Variants in UST observed in about 807,000 individuals in gnomAD.
UST encodes chondroitin sulfate 2-O-sulfotransferase.
UST carries 21 observed loss-of-function variants against 45.6 expected under a neutral mutation model. The observed-to-expected ratio is 0.46, with a 90% CI of 0.33 to 0.66. UST has a LOEUF of 0.66. Among genes scored for constraint, UST ranks in the 30% least tolerant of loss-of-function variants. The pLI is 0.02. For missense variants in UST, 463 were observed against 512.4 expected, an observed-to-expected ratio of 0.90 and a Z score of 0.93; for synonymous variants, 215 against 200.6, an observed-to-expected ratio of 1.07 and a Z score of -0.61.
Position 149,073,996 on chromosome 6 carries a change from C to T in UST, c.1101C>T (p.His367=). 4.3e-6 allele frequency: 7 copies of T among 1,614,196 alleles called. No individual in the cohort carries two copies. The highest frequency in any genetic ancestry group is 5.1e-6 in the Non-Finnish European group (6 of 1,180,022). ...LLKRKFGLKS[H]VSKPPLRPHF... ...AGCGCAAGTTTGGACTTAAGTCTCA[C>T]GTCAGCAAGCCCCCCCTGAGGCCAC... is the stretch of plus-strand genomic sequence containing the variant. The change falls in exon 8 of 8, where the codon CAC becomes CAT. Residue 367 remains histidine, a synonymous_variant. Transcript: ENST00000367463.
intron 5 of UST, among the ~76,000 whole-genome samples, chr6:148,980,970 C>T (rs1390623839): frequency 2.0e-5 from 3 of 152,086 alleles, no homozygotes; most frequent in African/African-American, 4.8e-5. Flanking sequence ...AGTGATCCTC[C>T]CACCTAGGCC....
At chr6:148,979,125 G>C (rs1781080289) in intron 5 of UST, among the ~76,000 whole-genome samples, 1 of 152,138 alleles carries the variant, frequency 6.6e-6, no homozygotes, top group Non-Finnish European at 1.5e-5. Context: ...ACCACTTCCA[G>C]AGTGGCTTCA....
At chr6:148,939,007 T>A (rs1279561972) in intron 2 of UST, among the ~76,000 whole-genome samples, 1 of 152,046 alleles carries the variant, frequency 6.6e-6, no homozygotes, top group Non-Finnish European at 1.5e-5. Flanking sequence ...CTATTGGAAT[T>A]AATAAATGAG....
chr6:148,789,449 T>TCACA (rs1439525516), intron 1 of UST, among the ~76,000 whole-genome samples: 7 of 129,032 alleles, frequency 5.4e-5, no homozygotes, highest in African/African-American at 1.8e-4. Context: ...TCTCTCTCTC[T>TCACA]CTCTCACACA....
At chr6:148,760,097 A>G (rs1192515610) in intron 1 of UST, among the ~76,000 whole-genome samples, 5 of 152,218 alleles carry the variant, frequency 3.3e-5, no homozygotes, top group Non-Finnish European at 5.9e-5. Flanking sequence ...GGCAAGTAGA[A>G]TACACAAAAA....
chr6:148,774,974 C>T (rs1032412003), intron 1 of UST, among the ~76,000 whole-genome samples: 5 of 151,898 alleles, frequency 3.3e-5, no homozygotes, highest in Admixed American at 2.6e-4. Context: ...GCCGAGATTA[C>T]GCCACTACAC....
rs1554231969 is a variant in UST at position 148,989,223 on chromosome 6, C to CAA, written c.681+24660_681+24661insAA. ...CTTCAGTAAAGGCCCCCCCCCACCCCCCGCAAATGAAAACCTTGATTAAAA... is the reference window on the plus strand; with the variant it reads ...CTTCAGTAAAGGCCCCCCCCCACCCCAACCGCAAATGAAAACCTTGATTAAAA... On this transcript the variant is annotated intron_variant, in intron 5 of 7. Coordinates refer to ENST00000367463, the MANE Select transcript of UST (RefSeq NM_005715.3). Among the ~76,000 whole-genome samples the CAA allele has an allele frequency of 3.9e-5, 5 of 127,728 alleles. 1 individual carries two copies. The highest frequency in any genetic ancestry group is 8.3e-5 in the Non-Finnish European group (5 of 60,476). 83.8% of individuals were successfully genotyped at this position (127,728 alleles called of 152,430 possible). A position where few individuals can be genotyped will look rare whatever the true frequency, so the allele number is the denominator to read the frequency against.
At chr6:148,801,347 A>G (rs1167276720) in intron 1 of UST, among the ~76,000 whole-genome samples, 4 of 152,122 alleles carry the variant, frequency 2.6e-5, no homozygotes, top group African/African-American at 7.2e-5. Context: ...ACTTCTGACA[A>G]GTGCTCCAGG....
chr6:148,747,302 C>T lies in UST; in HGVS notation c.-129C>T. ...TGAGCCCGGCAACTTCGGCCCCTCC[C>T]CGCCCCCACCCGGCTGCCCTCCGCG... On this transcript the variant is annotated 5_prime_UTR_variant, in exon 1 of 8. Coordinates refer to ENST00000367463, the MANE Select transcript of UST (RefSeq NM_005715.3). 1.7e-6 allele frequency: 2 copies of T among 1,187,910 alleles called. No homozygotes were observed. The highest frequency in any genetic ancestry group is 2.6e-5 in the South Asian group (1 of 38,156). The allele number at this position is 1,187,910 out of a possible 1,614,324, so 73.6% of individuals were successfully genotyped here.
intron 2 of UST, among the ~76,000 whole-genome samples, chr6:148,898,512 G>C (rs1446956905): frequency 6.6e-6 from 1 of 152,000 alleles, no homozygotes; most frequent in African/African-American, 2.4e-5. Flanking sequence ...GAAGTGTTTG[G>C]CCCAGCTGGC....
intron 5 of UST, among the ~76,000 whole-genome samples, chr6:148,981,991 G>C (rs1781145525): frequency 6.6e-6 from 1 of 152,174 alleles, no homozygotes; most frequent in Non-Finnish European, 1.5e-5. Context: ...GTTGTCTGGT[G>C]AGGGCTTCTG....
intron 1 of UST, 143 bp from the exon 2 acceptor site, chr6:148,886,842 CA>C (rs1778920635): frequency 1.4e-6 from 1 of 714,330 alleles, no homozygotes; most frequent in Non-Finnish European, 2.5e-6. Flanking sequence ...CCAGTCAAAC[CA>C]GTGATTAATT....
At chr6:148,942,151 GGTT>G (rs1780139205) in intron 3 of UST, among the ~76,000 whole-genome samples, 1 of 152,062 alleles carries the variant, frequency 6.6e-6, no homozygotes, top group African/African-American at 2.4e-5. Context: ...TACAGAGTTG[GGTT>G]TGTCATCCTG....
At chr6:148,950,566 C>T (rs1780345353) in intron 3 of UST, among the ~76,000 whole-genome samples, 1 of 152,200 alleles carries the variant, frequency 6.6e-6, no homozygotes, top group Non-Finnish European at 1.5e-5. Context: ...TCTCGGATCA[C>T]TGAACACCTC....
At chr6:149,066,437 A>T (rs1305355594) in intron 7 of UST, among the ~76,000 whole-genome samples, 4 of 152,114 alleles carry the variant, frequency 2.6e-5, no homozygotes, top group Admixed American at 1.3e-4. Flanking sequence ...GGAGAGGTTG[A>T]CAATGAAGAA....
At chr6:148,944,473 C>T (rs1780192597) in intron 3 of UST, among the ~76,000 whole-genome samples, 2 of 151,588 alleles carry the variant, frequency 1.3e-5, no homozygotes, top group South Asian at 4.2e-4. Context: ...GTCAAATTCA[C>T]ACATGCATTG....
chr6:148,752,531 G>A (rs1287456253), intron 1 of UST, among the ~76,000 whole-genome samples: 1 of 152,182 alleles, frequency 6.6e-6, no homozygotes, highest in East Asian at 1.9e-4. Flanking sequence ...TAGCATGAAT[G>A]GTGAAAAGCA....
intron 2 of UST, among the ~76,000 whole-genome samples, chr6:148,932,582 A>G (rs569438162): frequency 1.8e-4 from 27 of 152,298 alleles, no homozygotes; most frequent in Non-Finnish European, 3.4e-4. Context: ...TATGGCATTG[A>G]TAGCATTCAC....
intron 1 of UST, among the ~76,000 whole-genome samples, chr6:148,836,432 A>G (rs1777786389): frequency 6.6e-6 from 1 of 152,202 alleles, no homozygotes; most frequent in African/African-American, 2.4e-5. Flanking sequence ...AGTGTTTGAC[A>G]CAACTACCTA....
Sources: gnomAD v4.1 joint callset for allele counts (sites outside exome capture counted in the v4.1 genomes callset) on GRCh38, gnomAD v4.1.1 for gene constraint, MANE v1.5 for transcripts, NCBI Gene and HGNC (gene_info 2026-07-23, HGNC 2026-07-21) for gene names.